The following CHCT1 variants were observed in gnomAD, a reference collection of about 807,000 sequenced individuals.
CHCT1 encodes the protein CHD1 helical C-terminal domain containing protein 1.
chr17:60,422,910 T>C, the CHCT1 span, among the ~76,000 whole-genome samples: 1 of 152,008 alleles, frequency 6.6e-6, no homozygotes, highest in African/African-American at 2.4e-5. Context: ...CTGTGTGTGG[T>C]TGTGTGGTGT....
At chr17:60,425,742 C>A in the CHCT1 span, 1 of 1,451,646 alleles carries the variant, frequency 6.9e-7, no homozygotes, top group Non-Finnish European at 9.5e-7. Flanking sequence ...CCAGGAGTAA[C>A]GGTCCAATCC....
At chr17:60,422,352 C>A in the CHCT1 span, 22 of 1,035,544 alleles carry the variant, frequency 2.1e-5, no homozygotes, top group African/African-American at 2.8e-4. Context: ...CCCCGCACAT[C>A]TTGCTCCGTT....
chr17:60,427,838 C>A, the CHCT1 span, among the ~76,000 whole-genome samples: 1 of 152,042 alleles, frequency 6.6e-6, no homozygotes, highest in South Asian at 2.1e-4. Flanking sequence ...TCTATTTGTC[C>A]CTGCCTTCCT....
At chr17:60,421,682 C>A in the CHCT1 span, 1 of 856,712 alleles carries the variant, frequency 1.2e-6, no homozygotes, top group Non-Finnish European at 1.4e-6. Flanking sequence ...GGCGAGGGTC[C>A]CGGGGCCTCC....
the CHCT1 span, among the ~76,000 whole-genome samples, chr17:60,424,797 C>T: frequency 3.2e-4 from 49 of 151,482 alleles, no homozygotes; most frequent in African/African-American, 1.1e-3. Flanking sequence ...CGCTTGAACC[C>T]GGGAGGCCAA....
the CHCT1 span, among the ~76,000 whole-genome samples, chr17:60,428,887 A>C: frequency 6.6e-6 from 1 of 150,758 alleles, no homozygotes; most frequent in Non-Finnish European, 1.5e-5. Context: ...AACAGACTCA[A>C]AGCTTACAAA....
At chr17:60,425,994 A>T in the CHCT1 span, 45 of 1,276,514 alleles carry the variant, frequency 3.5e-5, no homozygotes, top group Non-Finnish European at 4.7e-5. Context: ...CACTTGTCTT[A>T]CTCTTGGTAA....
chr17:60,423,071 A>G, the CHCT1 span, among the ~76,000 whole-genome samples: 1 of 152,202 alleles, frequency 6.6e-6, no homozygotes, highest in Non-Finnish European at 1.5e-5. Context: ...CCCCGAACAC[A>G]GACTAGAATT....
the CHCT1 span, among the ~76,000 whole-genome samples, chr17:60,430,581 A>G: frequency 6.6e-6 from 1 of 152,318 alleles, no homozygotes; most frequent in Non-Finnish European, 1.5e-5. Context: ...CCCCGGTTCA[A>G]GTGATTCTCC....
chr17:60,423,961 G>A, the CHCT1 span, among the ~76,000 whole-genome samples: 260 of 152,276 alleles, frequency 1.7e-3, 2 homozygotes, highest in Middle Eastern at 6.8e-3. Context: ...GGCTGTACAC[G>A]AAGCATCTGC....
At chr17:60,430,123 T>C in the CHCT1 span, among the ~76,000 whole-genome samples, 926 of 3,474 alleles carry the variant, frequency 0.27, 122 homozygotes, top group African/African-American at 0.5. Context: ...CGCACCTGGC[T>C]TTTTTTTTTT....
the CHCT1 span, chr17:60,429,707 C>A: frequency 1.5e-6 from 1 of 657,738 alleles, no homozygotes; most frequent in Non-Finnish European, 2.4e-6. Context: ...TCTCTTCATC[C>A]CGCATTTTCC....
At chr17:60,429,856 G>A in the CHCT1 span, among the ~76,000 whole-genome samples, 1 of 151,374 alleles carries the variant, frequency 6.6e-6, no homozygotes, top group Non-Finnish European at 1.5e-5. Context: ...ACGGAGTCTC[G>A]CTCTGTCACC....
the CHCT1 span, among the ~76,000 whole-genome samples, chr17:60,424,811 TGCAGTGA>T: frequency 1.3e-5 from 2 of 150,046 alleles, no homozygotes; most frequent in African/African-American, 4.9e-5. Context: ...AGGCCAAGGT[TGCAGTGA>T]GCCGAGATCA....
chr17:60,423,294 C>G, the CHCT1 span, among the ~76,000 whole-genome samples: 1 of 151,712 alleles, frequency 6.6e-6, no homozygotes, highest in Non-Finnish European at 1.5e-5. Context: ...TGGGTTGGAG[C>G]AATTTATCCT....
At chr17:60,422,792 A>C in the CHCT1 span, 2 of 880,462 alleles carry the variant, frequency 2.3e-6, no homozygotes, top group East Asian at 2.9e-5. Flanking sequence ...ACTTTCATTC[A>C]TTCAGAAGTT....
chr17:60,431,264 TAAG>T, the CHCT1 span: 1 of 1,599,176 alleles, frequency 6.3e-7, no homozygotes, highest in Non-Finnish European at 8.5e-7. Context: ...GACTGAACCG[TAAG>T]AAGACCAACT....
chr17:60,426,880 C>G, the CHCT1 span: 8 of 1,542,102 alleles, frequency 5.2e-6, no homozygotes, highest in Non-Finnish European at 7.0e-6. Flanking sequence ...CTTAGACTTG[C>G]GGGGAGGCCT....
the CHCT1 span, among the ~76,000 whole-genome samples, chr17:60,428,706 T>C: frequency 6.6e-6 from 1 of 151,874 alleles, no homozygotes; most frequent in Non-Finnish European, 1.5e-5. Flanking sequence ...AGGCTGGTCT[T>C]GAACTCCTGA....
Sources: gnomAD v4.1 joint callset for allele counts (sites outside exome capture counted in the v4.1 genomes callset) on GRCh38, gnomAD v4.1.1 for gene constraint, MANE v1.5 for transcripts, NCBI Gene and HGNC (gene_info 2026-07-23, HGNC 2026-07-21) for gene names.